The following SAMD12 variants were observed in gnomAD, a reference collection of about 807,000 sequenced individuals.
SAMD12 encodes the protein sterile alpha motif domain-containing protein 12.
A neutral mutation model predicts 15.0 loss-of-function variants in SAMD12; 9 were observed. That is an observed-to-expected ratio of 0.60 (90% CI 0.36 to 1.05). The LOEUF is 1.05. Ranked by LOEUF, SAMD12 falls within the 50% of genes least tolerant of loss-of-function variation. The pLI, the probability that SAMD12 is intolerant of heterozygous loss-of-function variation, is 0.01. For synonymous variants in SAMD12, 86 were observed against 90.1 expected (o/e 0.96, Z 0.25); for missense variants, 230 against 234.2 (o/e 0.98, Z 0.12).
At chr8:118,480,015 A>G (rs1313712391) in intron 2 of SAMD12, among the ~76,000 whole-genome samples, 1 of 152,258 alleles carries the variant, frequency 6.6e-6, no homozygotes, top group Non-Finnish European at 1.5e-5. Context: ...TCTAAATAAC[A>G]TCAAAAGCTA....
At chr8:118,608,336 C>T (rs956848924) in intron 1 of SAMD12, among the ~76,000 whole-genome samples, 1 of 151,902 alleles carries the variant, frequency 6.6e-6, no homozygotes, top group South Asian at 2.1e-4. Flanking sequence ...TCTACTACCA[C>T]TGGCTGTCTC....
chr8:118,168,180 C>T, the SAMD12 span, among the ~76,000 whole-genome samples: 11 of 152,208 alleles, frequency 7.2e-5, no homozygotes, highest in Non-Finnish European at 1.5e-4. Context: ...TTCCCAGTCT[C>T]AGATATGTCT....
the SAMD12 span, among the ~76,000 whole-genome samples, chr8:118,133,628 C>T: frequency 6.6e-6 from 1 of 152,084 alleles, no homozygotes; most frequent in Non-Finnish European, 1.5e-5. Context: ...TCTTTAAGGA[C>T]AAATACCTTC....
chr8:118,438,724 A>G (rs1822647976), intron 3 of SAMD12, among the ~76,000 whole-genome samples: 1 of 152,194 alleles, frequency 6.6e-6, no homozygotes, highest in Non-Finnish European at 1.5e-5. Flanking sequence ...GAACAGAACA[A>G]GAGAGATTAG....
chr8:118,412,239 T>C (rs1483643827), intron 3 of SAMD12, among the ~76,000 whole-genome samples: 2 of 152,128 alleles, frequency 1.3e-5, no homozygotes, highest in Admixed American at 1.3e-4. Flanking sequence ...TCATTTTATG[T>C]TGGAGGACAG....
At chr8:118,331,587 A>G (rs1426903107) in intron 4 of SAMD12, among the ~76,000 whole-genome samples, 1 of 152,236 alleles carries the variant, frequency 6.6e-6, no homozygotes, top group African/African-American at 2.4e-5. Flanking sequence ...AGGCAGCAAG[A>G]AGATATTTTC....
chr8:118,423,473 G>C (rs1296249860), intron 3 of SAMD12, among the ~76,000 whole-genome samples: 1 of 152,108 alleles, frequency 6.6e-6, no homozygotes, highest in Non-Finnish European at 1.5e-5. Flanking sequence ...CGTTTATCTT[G>C]AGAGGCTTTA....
At chr8:118,484,075 A>AGTAG (rs1824207969) in intron 2 of SAMD12, among the ~76,000 whole-genome samples, 1 of 152,216 alleles carries the variant, frequency 6.6e-6, no homozygotes, top group East Asian at 1.9e-4. Flanking sequence ...ACATGCTATG[A>AGTAG]GGACAACAGA....
chr8:118,200,574 T>C (rs1020214283), intron 4 of SAMD12, among the ~76,000 whole-genome samples: 2 of 151,998 alleles, frequency 1.3e-5, no homozygotes, highest in African/African-American at 2.4e-5. Context: ...GAGTGGGGCA[T>C]TGGGAAAAGT....
intron 2 of SAMD12, among the ~76,000 whole-genome samples, chr8:118,571,940 A>G (rs1055142185): frequency 6.6e-6 from 1 of 152,198 alleles, no homozygotes; most frequent in Non-Finnish European, 1.5e-5. Context: ...TCAAGATCCC[A>G]GAATGGTAGA....
intron 2 of SAMD12, among the ~76,000 whole-genome samples, chr8:118,544,138 T>C (rs1826061740): frequency 6.6e-6 from 1 of 152,040 alleles, no homozygotes; most frequent in African/African-American, 2.4e-5. Flanking sequence ...GCAATACTCA[T>C]TCCAACCTTT....
chr8:118,497,592 G>C (rs1254795778), intron 2 of SAMD12, among the ~76,000 whole-genome samples: 1 of 151,756 alleles, frequency 6.6e-6, no homozygotes, highest in Admixed American at 6.6e-5. Flanking sequence ...AGGAGGGGGA[G>C]GTTACCTATA....
intron 4 of SAMD12, among the ~76,000 whole-genome samples, chr8:118,318,470 A>G (rs1190144706): frequency 2.6e-5 from 4 of 151,576 alleles, no homozygotes; most frequent in Non-Finnish European, 4.4e-5. Context: ...TCAGGAATGG[A>G]AAACCAAATA....
chr8:118,170,941 G>A, the SAMD12 span, among the ~76,000 whole-genome samples: 7,382 of 152,202 alleles, frequency 0.049, 596 homozygotes, highest in African/African-American at 0.17. Flanking sequence ...TAAGGGACTT[G>A]TATTCAAAAT....
the SAMD12 span, among the ~76,000 whole-genome samples, chr8:118,170,264 C>A: frequency 6.6e-6 from 1 of 151,960 alleles, no homozygotes; most frequent in Non-Finnish European, 1.5e-5. Context: ...AAGTTCCAGG[C>A]CCAATATGTA....
the SAMD12 span, among the ~76,000 whole-genome samples, chr8:118,178,246 T>G: frequency 6.6e-6 from 1 of 152,282 alleles, no homozygotes; most frequent in Admixed American, 6.5e-5. Context: ...TTGAAAGTGG[T>G]AAATCTTATT....
At chr8:118,309,013 GT>G (rs1195591898) in intron 4 of SAMD12, among the ~76,000 whole-genome samples, 1 of 151,464 alleles carries the variant, frequency 6.6e-6, no homozygotes, top group Non-Finnish European at 1.5e-5. Context: ...ATTTCAATAG[GT>G]TTTTGGGGAA....
chr8:118,211,751 C>T (rs1208153427), intron 4 of SAMD12, among the ~76,000 whole-genome samples: 1 of 151,924 alleles, frequency 6.6e-6, no homozygotes, highest in African/African-American at 2.4e-5. Flanking sequence ...GTGGCCCAGC[C>T]CCATGAAAAG....
chr8:118,612,230 G>T (rs1828129045), intron 1 of SAMD12, among the ~76,000 whole-genome samples: 1 of 151,962 alleles, frequency 6.6e-6, no homozygotes. Flanking sequence ...TTCCTGTCTT[G>T]CCTAATTTTC....
Sources: gnomAD v4.1 joint callset for allele counts (sites outside exome capture counted in the v4.1 genomes callset) on GRCh38, gnomAD v4.1.1 for gene constraint, MANE v1.5 for transcripts, NCBI Gene and HGNC (gene_info 2026-07-23, HGNC 2026-07-21) for gene names.